PTPN14: variants seen among roughly 807,000 people sequenced by gnomAD.
PTPN14 encodes tyrosine-protein phosphatase non-receptor type 14.
PTPN14 carries 53 observed loss-of-function variants against 126.8 expected under a neutral mutation model. The ratio of observed to expected loss-of-function variants is 0.42; its 90% CI spans 0.34 to 0.53. The LOEUF (loss-of-function observed/expected upper bound fraction) is 0.53. Ranked by LOEUF, PTPN14 falls within the 20% of genes least tolerant of loss-of-function variation. PTPN14 has a pLI of 0.08. For synonymous variants in PTPN14, 630 were observed against 599.3 expected, an observed-to-expected ratio of 1.05 and a Z score of -0.75; for missense variants, 1,257 against 1,552.9, an observed-to-expected ratio of 0.81 and a Z score of 3.20.
At chr1:214,476,797 C>G (rs1325599657) in intron 1 of PTPN14, among the ~76,000 whole-genome samples, 3 of 152,188 alleles carry the variant, frequency 2.0e-5, no homozygotes, top group East Asian at 1.9e-4. Flanking sequence ...CAGTCCCCAC[C>G]ACCTAGAGTT....
intron 1 of PTPN14, among the ~76,000 whole-genome samples, chr1:214,482,565 T>C (rs191922109): frequency 2.1e-4 from 19 of 92,490 alleles, no homozygotes; most frequent in Admixed American, 1.0e-3. Context: ...GGCACCCGAA[T>C]GCAGTTTAGA....
chr1:214,547,978 GA>G (rs985715747), intron 1 of PTPN14, among the ~76,000 whole-genome samples: 6 of 151,690 alleles, frequency 4.0e-5, no homozygotes, highest in African/African-American at 7.3e-5. Flanking sequence ...TCAGGCTGCT[GA>G]AAAAAATCAC....
At chr1:214,548,077 C>T (rs1376669391) in intron 1 of PTPN14, among the ~76,000 whole-genome samples, 1 of 152,156 alleles carries the variant, frequency 6.6e-6, no homozygotes, top group African/African-American at 2.4e-5. Flanking sequence ...TACTGTTATA[C>T]AGCATGACAC....
At chr1:214,510,527 T>C (rs1654949137) in intron 1 of PTPN14, among the ~76,000 whole-genome samples, 1 of 152,246 alleles carries the variant, frequency 6.6e-6, no homozygotes, top group African/African-American at 2.4e-5. Flanking sequence ...AGGTCCACTT[T>C]AGTTTTTCAA....
At chr1:214,466,630 T>G (rs1660645529) in intron 1 of PTPN14, among the ~76,000 whole-genome samples, 1 of 152,136 alleles carries the variant, frequency 6.6e-6, no homozygotes, top group Admixed American at 6.5e-5. Flanking sequence ...GCCAGAAATG[T>G]CCAGAAAACT....
At chr1:214,506,544 T>A (rs907965659) in intron 1 of PTPN14, among the ~76,000 whole-genome samples, 2 of 139,532 alleles carry the variant, frequency 1.4e-5, no homozygotes, top group African/African-American at 3.0e-5. Flanking sequence ...TAAATAAATA[T>A]AAAAACTATT....
At chr1:214,472,728 T>C (rs1660786561) in intron 1 of PTPN14, among the ~76,000 whole-genome samples, 1 of 152,204 alleles carries the variant, frequency 6.6e-6, no homozygotes, top group Non-Finnish European at 1.5e-5. Context: ...CACTGACTCA[T>C]GCTTTTTCAG....
chr1:214,533,301 T>A, intron 1 of PTPN14: 1 of 580,980 alleles, frequency 1.7e-6, no homozygotes, highest in South Asian at 1.6e-5. Flanking sequence ...AGCTGGAGGC[T>A]AGGGTCACCA....
chr1:214,510,389 A>G (rs1654945152), intron 1 of PTPN14, among the ~76,000 whole-genome samples: 1 of 152,238 alleles, frequency 6.6e-6, no homozygotes, highest in South Asian at 2.1e-4. Flanking sequence ...AGACTTGCTC[A>G]ATGCATGGTT....
chr1:214,380,998 T>C (rs73074052), intron 13 of PTPN14, among the ~76,000 whole-genome samples: 5,925 of 152,042 alleles, frequency 0.039, 234 homozygotes, highest in African/African-American at 0.1. Flanking sequence ...GAAAATGAAG[T>C]AGAAATGGGG....
At chr1:214,452,001 G>C in intron 2 of PTPN14, 27 bp from the exon 3 acceptor site, 1 of 1,598,326 alleles carries the variant, frequency 6.3e-7, no homozygotes, top group Non-Finnish European at 8.5e-7. Flanking sequence ...AATAGCATCA[G>C]TTCATGCTCA....
intron 1 of PTPN14, among the ~76,000 whole-genome samples, chr1:214,534,679 C>T (rs971810932): frequency 1.3e-5 from 2 of 149,338 alleles, no homozygotes; most frequent in African/African-American, 5.0e-5. Flanking sequence ...CGCCACTGCA[C>T]TCCAGCCTGG....
At chr1:214,359,413 G>A (rs576562465) in intron 18 of PTPN14, among the ~76,000 whole-genome samples, 15 of 149,320 alleles carry the variant, frequency 1.0e-4, no homozygotes, top group African/African-American at 3.2e-4. Context: ...TAGTAGAGAC[G>A]GGGTTTCAGC....
chr1:214,513,346 ATGTT>A (rs1346947602), intron 1 of PTPN14, among the ~76,000 whole-genome samples: 3 of 152,124 alleles, frequency 2.0e-5, no homozygotes, highest in African/African-American at 4.8e-5. Context: ...TTACAATCTG[ATGTT>A]TGTTTGGCTC....
At chr1:214,495,184 C>T (rs1247129127) in intron 1 of PTPN14, among the ~76,000 whole-genome samples, 1 of 152,140 alleles carries the variant, frequency 6.6e-6, no homozygotes, top group Non-Finnish European at 1.5e-5. Context: ...TGAATTTCAG[C>T]CAACTGTAAA....
intron 1 of PTPN14, among the ~76,000 whole-genome samples, chr1:214,491,737 C>T (rs1279217416): frequency 6.6e-6 from 1 of 152,106 alleles, no homozygotes; most frequent in African/African-American, 2.4e-5. Context: ...AACTGCAGCA[C>T]TTAGAAAGCT....
Position 214,383,840 on chromosome 1 carries a change from C to A in PTPN14, c.2015G>T (p.Arg672Leu). Residue 672 changes from arginine to leucine, a missense_variant, in exon 13 of 19, where the codon CGG becomes CTG. Arg to Leu is a moderately radical substitution (Grantham distance 102). Around this residue, in one of 3 missense-constraint regions of PTPN14, gnomAD observed 1,021 missense variants for 1,183.3 expected, o/e 0.86. Coordinates refer to ENST00000366956, the MANE Select transcript of PTPN14 (RefSeq NM_005401.5). The surrounding 1 kb of genome is among the most constrained non-coding windows in gnomAD (Gnocchi z 4.4). ...CCCCTCCTCGGGCGGTCCCTGCTCC[C>A]GGAGCGTGTTGCGGCGAGCCATGGG... is the stretch of plus-strand genomic sequence containing the variant. ...HLPMARRNTL[R>L]EQGPPEEGSG... 6.2e-7 allele frequency: 1 copy of A among 1,612,454 alleles called. No individual in the cohort carries two copies. The highest frequency in any genetic ancestry group is 8.5e-7 in the Non-Finnish European group (1 of 1,179,998).
chr1:214,485,956 G>A (rs1390992504), intron 1 of PTPN14, among the ~76,000 whole-genome samples: 1 of 152,110 alleles, frequency 6.6e-6, no homozygotes, highest in Non-Finnish European at 1.5e-5. Context: ...TCGATCTCCT[G>A]ACCTCGTGAT....
At chr1:214,458,027 ATATCTATACC>A (rs1384630514) in intron 2 of PTPN14, among the ~76,000 whole-genome samples, 21 of 147,600 alleles carry the variant, frequency 1.4e-4, no homozygotes, top group African/African-American at 5.4e-4. Context: ...ATCTATATCT[ATATCTATACC>A]TAGAGAGAGA....
Sources: allele counts gnomAD v4.1 joint callset (sites outside exome capture counted in the v4.1 genomes callset), GRCh38; gene constraint gnomAD v4.1.1; regional missense constraint gnomAD v4.1.1; non-coding constraint Gnocchi (gnomAD v3.1); transcripts MANE v1.5; gene names NCBI Gene and HGNC (gene_info 2026-07-23, HGNC 2026-07-21).